The following SDK1 variants were observed in gnomAD, a reference collection of about 807,000 sequenced individuals.
SDK1 encodes sidekick cell adhesion molecule 1, also known as protein sidekick-1.
In SDK1, 157 loss-of-function variants were observed where a neutral mutation model predicts 245.5. That is an observed-to-expected ratio of 0.64 (90% CI 0.56 to 0.73). SDK1 has a LOEUF of 0.73. Among genes scored for constraint, SDK1 ranks in the 30% least tolerant of loss-of-function variants. The probability of loss-of-function intolerance (pLI) is 0.00; values close to 1 mark genes in which losing one functional copy is unlikely to be tolerated. For missense variants in SDK1, 3,583 were observed against 3,002.3 expected, an observed-to-expected ratio of 1.19 and a Z score of -4.52; for synonymous variants, 1,647 against 1,278.5, an observed-to-expected ratio of 1.29 and a Z score of -6.15.
At chr7:3,555,486 G>C (rs2614948) in intron 1 of SDK1, among the ~76,000 whole-genome samples, 2,698 of 152,214 alleles carry the variant, frequency 0.018, 30 homozygotes, top group Non-Finnish European at 0.029. Context: ...GAAAACATTG[G>C]GGAAACTCTC....
intron 4 of SDK1, among the ~76,000 whole-genome samples, chr7:3,786,612 G>T (rs1033597816): frequency 1.3e-5 from 2 of 152,164 alleles, no homozygotes; most frequent in African/African-American, 4.8e-5. Flanking sequence ...CTGTGTCTCA[G>T]TGAATGGACT....
intron 4 of SDK1, among the ~76,000 whole-genome samples, chr7:3,649,026 C>T (rs1168633865): frequency 2.0e-5 from 3 of 152,202 alleles, no homozygotes; most frequent in African/African-American, 7.2e-5. Flanking sequence ...CATCCATGGA[C>T]ATTTCCTGAG....
chr7:4,207,978 C>T lies in SDK1; in HGVS notation c.5215-121C>T. The stretch of plus-strand genomic sequence containing the variant: ...CCAGGAGGGAGCCTTTCCACCTTCC[C>T]ACCCAGCACAGCTCGCCCCAGAACT... On this transcript the variant is annotated intron_variant, in intron 36 of 44. Transcript: ENST00000404826. The T allele has an allele frequency of 6.8e-6, 5 of 733,736 alleles. 1 individual carries two copies. Among genetic ancestry groups the T allele is most frequent in the South Asian group, 3.6e-5 (2 of 56,120 alleles). The allele number at this position is 733,736 out of a possible 1,614,324, so 45.5% of individuals were successfully genotyped here.
At position 4,091,243 on chromosome 7, in the gene SDK1, A is replaced by G. The variant is rs1032382665; in HGVS notation, c.3324+11659A>G. Among the ~76,000 whole-genome samples the G allele has an allele frequency of 4.6e-5, 7 of 151,544 alleles. No homozygotes were observed. The East Asian group carries it at 1.4e-3, about 29-fold the overall frequency. Reference sequence around the variant, plus strand: ...CATCAACTCTGCCTCACTTTTCTATATCTACAAAGGCAATGATCCTTACTG... The same window carrying G: ...CATCAACTCTGCCTCACTTTTCTATGTCTACAAAGGCAATGATCCTTACTG... On this transcript the variant is annotated intron_variant, in intron 22 of 44. Coordinates refer to ENST00000404826, the MANE Select transcript of SDK1 (RefSeq NM_152744.4).
intron 31 of SDK1, 71 bp downstream of exon 31, chr7:4,158,622 T>A: frequency 9.4e-6 from 11 of 1,170,138 alleles, no homozygotes; most frequent in Non-Finnish European, 1.4e-5. Context: ...AGGCCACACT[T>A]TCGTCTTGAG....
intron 17 of SDK1, among the ~76,000 whole-genome samples, chr7:4,045,138 C>T (rs994763420): frequency 2.6e-5 from 4 of 152,196 alleles, no homozygotes; most frequent in African/African-American, 9.7e-5. Context: ...CATCCCATTC[C>T]ATAGACACAC....
rs1213455646 is a variant in SDK1, at chr7:3,301,319, C to T, written c.-268C>T. 1.4e-5 allele frequency: 2 copies of T among 147,554 alleles called. No homozygotes were observed. Among genetic ancestry groups the T allele is most frequent in the Non-Finnish European group, 3.0e-5 (2 of 66,158 alleles). 9.1% of individuals were successfully genotyped at this position (147,554 alleles called of 1,614,324 possible). On this transcript the variant is annotated 5_prime_UTR_variant, in exon 1 of 45. Transcript: ENST00000404826. Reference sequence around the variant, plus strand: ...GCTCCTCCGCGCCCGGCGGACCCCTCGGAGCTAGCGCGGCGGGCTCGGGAC... The same window carrying T: ...GCTCCTCCGCGCCCGGCGGACCCCTTGGAGCTAGCGCGGCGGGCTCGGGAC...
intron 1 of SDK1, among the ~76,000 whole-genome samples, chr7:3,578,327 A>G (rs1780367338): frequency 1.3e-5 from 2 of 152,072 alleles, no homozygotes; most frequent in Admixed American, 1.3e-4. Flanking sequence ...CACAAAGATC[A>G]CATGCTTCAA....
At chr7:3,893,851 G>A (rs1456613066) in intron 5 of SDK1, among the ~76,000 whole-genome samples, 2 of 152,004 alleles carry the variant, frequency 1.3e-5, no homozygotes, top group Admixed American at 1.3e-4. Flanking sequence ...TGGCTCCTGG[G>A]CCACCCACTT....
intron 1 of SDK1, among the ~76,000 whole-genome samples, chr7:3,469,818 T>C (rs1259945577): frequency 6.6e-6 from 1 of 152,186 alleles, no homozygotes; most frequent in Non-Finnish European, 1.5e-5. Context: ...TCAGGCATTT[T>C]CCCAAAGAAA....
At chr7:3,349,284 A>G (rs1780593789) in intron 1 of SDK1, among the ~76,000 whole-genome samples, 1 of 151,426 alleles carries the variant, frequency 6.6e-6, no homozygotes, top group Non-Finnish European at 1.5e-5. Context: ...TTTTGTGGGA[A>G]GAGCAGGGTC....
chr7:3,381,966 G>T (rs1562452852), intron 1 of SDK1, among the ~76,000 whole-genome samples: 1 of 152,112 alleles, frequency 6.6e-6, no homozygotes, highest in Non-Finnish European at 1.5e-5. Flanking sequence ...CACAAAAGCA[G>T]TTAAAACTTA....
At chr7:3,605,681 A>T (rs1488703464) in intron 1 of SDK1, among the ~76,000 whole-genome samples, 3 of 152,038 alleles carry the variant, frequency 2.0e-5, no homozygotes, top group Admixed American at 6.6e-5. Context: ...TAGATTTGGG[A>T]TACCAACTGG....
chr7:4,091,947 G>T (rs1465243410), intron 22 of SDK1, among the ~76,000 whole-genome samples: 2 of 152,060 alleles, frequency 1.3e-5, no homozygotes, highest in African/African-American at 4.8e-5. Flanking sequence ...CACATTCCAT[G>T]GATCATCTCT....
Position 4,208,161 on chromosome 7 carries a change from C to T in SDK1, c.5277C>T (p.Pro1759=), listed in dbSNP as rs113117904. The part of the protein sequence containing the change: ...ETEKMKVLFL[P]EPVVRLKNLT... ...AGAAAATGAAGGTCCTCTTCCTCCC[C>T]GAGCCCGTGGTGAGGCTGAAGAACC... The change falls in exon 37 of 45, where the codon CCC becomes CCT. Residue 1759 remains proline (P), a synonymous_variant. Coordinates refer to ENST00000404826, the MANE Select transcript of SDK1 (RefSeq NM_152744.4). 790 of 1,614,032 alleles carry T rather than the reference C, an allele frequency of 4.9e-4. 5 individuals are homozygous for T. The highest frequency in any genetic ancestry group is 4.8e-3 in the African/African-American group (360 of 75,062).
At chr7:4,140,293 A>T (rs1248899681) in intron 28 of SDK1, among the ~76,000 whole-genome samples, 1 of 151,298 alleles carries the variant, frequency 6.6e-6, no homozygotes, top group Non-Finnish European at 1.5e-5. Context: ...TCCTGATGTT[A>T]CTCCCCAAGG....
chr7:4,002,581 G>C (rs930728154), intron 14 of SDK1, among the ~76,000 whole-genome samples: 3 of 152,126 alleles, frequency 2.0e-5, no homozygotes, highest in Non-Finnish European at 2.9e-5. Context: ...TTTCATTTCA[G>C]TTCCTTCCCA....
rs112950092 is a variant in SDK1, at chr7:3,997,198, C to G, written c.2131+9876C>G. Reference sequence around the variant, plus strand: ...GTGTCGCTTTTCCAGCCAGAAACCTCTGTGGCTGGTGGCGGTTTTGTCCGA... The same window carrying G: ...GTGTCGCTTTTCCAGCCAGAAACCTGTGTGGCTGGTGGCGGTTTTGTCCGA... On this transcript the variant is annotated intron_variant, in intron 14 of 44. Transcript: ENST00000404826. 5.4e-4 allele frequency among the ~76,000 whole-genome samples: 83 copies of G among 152,310 alleles called. 1 individual carries two copies. Among genetic ancestry groups the G allele is most frequent in the Admixed American group, 1.8e-3 (28 of 15,298 alleles).
chr7:3,595,375 G>A (rs970673902), intron 1 of SDK1, among the ~76,000 whole-genome samples: 2 of 151,690 alleles, frequency 1.3e-5, no homozygotes, highest in Non-Finnish European at 2.9e-5. Context: ...TATATTAATA[G>A]CTACTGCATG....
Sources: allele counts gnomAD v4.1 joint callset (sites outside exome capture counted in the v4.1 genomes callset), GRCh38; gene constraint gnomAD v4.1.1; transcripts MANE v1.5; gene names NCBI Gene and HGNC (gene_info 2026-07-23, HGNC 2026-07-21).